SUPT3H: variants seen among roughly 807,000 people sequenced by gnomAD.
The protein encoded by SUPT3H is transcription initiation protein SPT3 homolog.
SUPT3H carries 44 observed loss-of-function variants against 44.3 expected under a neutral mutation model. That is an observed-to-expected ratio of 0.99 (90% CI 0.78 to 1.28). The LOEUF (loss-of-function observed/expected upper bound fraction) is 1.28, where lower values mean the gene tolerates loss of function less well. Ranked by LOEUF, SUPT3H falls within the 50% of genes most tolerant of loss-of-function variation. SUPT3H has a pLI of 0.00. For synonymous variants in SUPT3H, 124 were observed against 125.6 expected (o/e 0.99, Z 0.09); for missense variants, 380 against 387.1 (o/e 0.98, Z 0.15).
At chr6:45,159,774 CTTTAT>C (rs547848310) in intron 2 of SUPT3H, among the ~76,000 whole-genome samples, 145 of 152,226 alleles carry the variant, frequency 9.5e-4, no homozygotes, top group African/African-American at 2.6e-3. Flanking sequence ...TGTTCTTGCT[CTTTAT>C]TTTGTTTCCA....
At chr6:44,929,560 A>G (rs1479953600) in intron 10 of SUPT3H, among the ~76,000 whole-genome samples, 2 of 152,202 alleles carry the variant, frequency 1.3e-5, no homozygotes, top group Non-Finnish European at 2.9e-5. Flanking sequence ...AAGTCAGTTC[A>G]GCCTTTCTGT....
chr6:45,123,089 T>C (rs1417076548), intron 2 of SUPT3H, among the ~76,000 whole-genome samples: 1 of 152,196 alleles, frequency 6.6e-6, no homozygotes, highest in Non-Finnish European at 1.5e-5. Flanking sequence ...TTCTACCACA[T>C]ATATACATAA....
intron 2 of SUPT3H, among the ~76,000 whole-genome samples, chr6:45,257,675 C>A (rs979647651): frequency 2.0e-5 from 3 of 152,078 alleles, no homozygotes; most frequent in Non-Finnish European, 4.4e-5. Flanking sequence ...CTTCTTGCTG[C>A]GGCATCCCAT....
At chr6:45,315,714 G>A (rs1297286338) in intron 2 of SUPT3H, among the ~76,000 whole-genome samples, 1 of 152,080 alleles carries the variant, frequency 6.6e-6, no homozygotes, top group Non-Finnish European at 1.5e-5. Context: ...ATGGAAAACA[G>A]TGTGGAAACT....
chr6:45,107,643 G>T (rs1799465843), intron 2 of SUPT3H, among the ~76,000 whole-genome samples: 1 of 152,086 alleles, frequency 6.6e-6, no homozygotes, highest in Non-Finnish European at 1.5e-5. Flanking sequence ...GTGCCCACAG[G>T]TACCTTGTAG....
At chr6:45,167,818 T>C (rs1674860300) in intron 2 of SUPT3H, among the ~76,000 whole-genome samples, 1 of 142,316 alleles carries the variant, frequency 7.0e-6, no homozygotes, top group African/African-American at 2.7e-5. Flanking sequence ...TTTTCATTTA[T>C]TTTTTTTTTT....
intron 7 of SUPT3H, among the ~76,000 whole-genome samples, chr6:44,957,140 T>C (rs1204541887): frequency 6.6e-6 from 1 of 152,066 alleles, no homozygotes; most frequent in Non-Finnish European, 1.5e-5. Context: ...CCACTGATTA[T>C]TCTTTTGATT....
chr6:45,127,111 C>T (rs565310407), intron 2 of SUPT3H, among the ~76,000 whole-genome samples: 6 of 152,174 alleles, frequency 3.9e-5, no homozygotes, highest in African/African-American at 1.4e-4. Flanking sequence ...GTCAGGAGTT[C>T]GAGACCAGCC....
At chr6:44,964,922 A>C (rs1776574325) in intron 6 of SUPT3H, among the ~76,000 whole-genome samples, 2 of 152,198 alleles carry the variant, frequency 1.3e-5, no homozygotes, top group African/African-American at 2.4e-5. Context: ...GTGATTTGTC[A>C]AAGGTGGACT....
intron 3 of SUPT3H, among the ~76,000 whole-genome samples, chr6:45,074,697 T>C (rs912908232): frequency 6.6e-6 from 1 of 152,028 alleles, no homozygotes; most frequent in African/African-American, 2.4e-5. Flanking sequence ...AGGAGAACTT[T>C]CTAAAGTACA....
intron 3 of SUPT3H, among the ~76,000 whole-genome samples, chr6:45,046,749 G>A (rs1219399706): frequency 6.6e-6 from 1 of 152,164 alleles, no homozygotes; most frequent in African/African-American, 2.4e-5. Context: ...AGAATTAGCT[G>A]TCAATATTTA....
At chr6:45,236,628 G>C (rs555078272) in intron 2 of SUPT3H, among the ~76,000 whole-genome samples, 2 of 152,042 alleles carry the variant, frequency 1.3e-5, no homozygotes, top group East Asian at 3.9e-4. Context: ...AGTTGCCCCA[G>C]TGACTGTTCA....
At chr6:44,979,227 C>T (rs1183997289) in intron 6 of SUPT3H, among the ~76,000 whole-genome samples, 8 of 152,100 alleles carry the variant, frequency 5.3e-5, no homozygotes, top group Admixed American at 2.6e-4. Flanking sequence ...TTTCTCAAGT[C>T]GCAGAACGAA....
rs202218259 is a variant in SUPT3H, at chr6:45,106,545, TA to T, written c.102-540del. On this transcript the variant is annotated intron_variant, in intron 2 of 10. Transcript: ENST00000371459. ...GGATTCGTACAGTTTTTATTTTTTT[TA>T]TTTTTTTTGAGACAGAGTCTCACCC... Among the ~76,000 whole-genome samples the T allele has an allele frequency of 1.7e-3, 255 of 151,586 alleles. 1 individual carries two copies. Among genetic ancestry groups the T allele is most frequent in the African/African-American group, 5.8e-3 (240 of 41,312 alleles).
At chr6:45,121,318 T>C (rs1253760235) in intron 2 of SUPT3H, among the ~76,000 whole-genome samples, 2 of 152,164 alleles carry the variant, frequency 1.3e-5, no homozygotes, top group African/African-American at 4.8e-5. Flanking sequence ...TGGGCAACTC[T>C]GAGAGGAAAG....
chr6:44,888,151 A>G (rs550641261), intron 10 of SUPT3H, among the ~76,000 whole-genome samples: 72 of 152,316 alleles, frequency 4.7e-4, no homozygotes, highest in Non-Finnish European at 9.0e-4. Context: ...AGTGTCCAGG[A>G]CCAGAAGGAT....
chr6:45,274,125 TG>T (rs1776647535), intron 2 of SUPT3H, among the ~76,000 whole-genome samples: 2 of 152,244 alleles, frequency 1.3e-5, no homozygotes, highest in African/African-American at 4.8e-5. Flanking sequence ...TCAGATCCTT[TG>T]CCCATTTTTT....
intron 2 of SUPT3H, among the ~76,000 whole-genome samples, chr6:45,300,558 T>C (rs941295676): frequency 2.0e-5 from 3 of 152,178 alleles, no homozygotes; most frequent in Admixed American, 2.0e-4. Context: ...GATGAGATAA[T>C]TCTACTCCTT....
In SUPT3H at chr6:44,827,912, G is replaced by GACAA. The variant is rs528288197; in HGVS notation, c.*1900_*1903dup. Among the ~76,000 whole-genome samples the GACAA allele has an allele frequency of 7.8e-4, 119 of 152,166 alleles. No homozygotes were observed. Among genetic ancestry groups the GACAA allele is most frequent in the Middle Eastern group, 3.4e-3 (1 of 294 alleles). Reference sequence around the variant, plus strand: ...ATTACCTGTCAGACTGTTCAAGATAGACAAACATATGCCAGACCAACAAAA... The same window carrying GACAA: ...ATTACCTGTCAGACTGTTCAAGATAGACAAACAAACATATGCCAGACCAACAAAA... On this transcript the variant is annotated 3_prime_UTR_variant, in exon 11 of 11. Coordinates refer to ENST00000371459, the MANE Select transcript of SUPT3H (RefSeq NM_003599.4).
Sources: gnomAD v4.1 joint callset for allele counts (sites outside exome capture counted in the v4.1 genomes callset) on GRCh38, gnomAD v4.1.1 for gene constraint, MANE v1.5 for transcripts, NCBI Gene and HGNC (gene_info 2026-07-23, HGNC 2026-07-21) for gene names.